The following FBXL17 variants were observed in gnomAD, a reference collection of about 807,000 sequenced individuals.
FBXL17 encodes F-box and leucine rich repeat protein 17, also known as F-box/LRR-repeat protein 17.
Under a neutral mutation model 66.2 loss-of-function variants are expected in FBXL17, and 22 were observed. The observed-to-expected ratio is 0.33, with a 90% confidence interval of 0.24 to 0.47. FBXL17 has a LOEUF of 0.47. Ranked by LOEUF, FBXL17 falls within the 20% of genes least tolerant of loss-of-function variation. FBXL17 has a pLI of 1.00. For missense variants in FBXL17, 878 were observed against 948.2 expected (o/e 0.93, Z 0.97); for synonymous variants, 474 against 400.5 (o/e 1.18, Z -2.19).
At position 107,859,390 on chromosome 5, in the gene FBXL17, GTTTTTTTTT is replaced by G. The variant is rs549840338; in HGVS notation, c.*2321_*2329del. The G allele has an allele frequency of 8.3e-5, 5 of 60,184 alleles. No individual in the cohort carries two copies. Among genetic ancestry groups the G allele is most frequent in the African/African-American group, 1.4e-4 (2 of 14,486 alleles). The allele number at this position is 60,184 out of a possible 1,614,324, so 3.7% of individuals were successfully genotyped here. A position where few individuals can be genotyped will look rare whatever the true frequency, so the allele number is the denominator to read the frequency against. ...CTCAAGGTGATGCTTTTTTCTGGCT[GTTTTTTTTT>G]TTTTTTTTTTTTTTTTTTGAGATTA... On this transcript the variant is annotated 3_prime_UTR_variant, in exon 9 of 9. Coordinates refer to ENST00000542267, the MANE Select transcript of FBXL17 (RefSeq NM_001163315.3).
At chr5:107,979,869 T>C (rs767471408) in intron 7 of FBXL17, among the ~76,000 whole-genome samples, 1 of 152,150 alleles carries the variant, frequency 6.6e-6, no homozygotes, top group Non-Finnish European at 1.5e-5. Context: ...AAGAAATATA[T>C]CCTGTTTACT....
chr5:108,191,646 A>C (rs1199485627), intron 5 of FBXL17, among the ~76,000 whole-genome samples: 1 of 152,216 alleles, frequency 6.6e-6, no homozygotes, highest in African/African-American at 2.4e-5. Flanking sequence ...GAAAATCCAA[A>C]AATATCTAAA....
At chr5:107,994,977 G>C (rs1753414848) in intron 7 of FBXL17, among the ~76,000 whole-genome samples, 1 of 152,156 alleles carries the variant, frequency 6.6e-6, no homozygotes, top group African/African-American at 2.4e-5. Context: ...TTACCCTCGG[G>C]GTAGGGTAAT....
chr5:108,040,303 A>G (rs1428831221), intron 6 of FBXL17, among the ~76,000 whole-genome samples: 1 of 152,186 alleles, frequency 6.6e-6, no homozygotes, highest in African/African-American at 2.4e-5. Context: ...GGGGAAAAAG[A>G]CACGTACATG....
intron 4 of FBXL17, among the ~76,000 whole-genome samples, chr5:108,320,920 C>T (rs962990146): frequency 6.6e-6 from 1 of 151,712 alleles, no homozygotes; most frequent in African/African-American, 2.4e-5. Context: ...AGAAAAAGCA[C>T]GTTTAATGCC....
intron 7 of FBXL17, among the ~76,000 whole-genome samples, chr5:108,017,921 C>G (rs1754446549): frequency 6.6e-6 from 1 of 152,078 alleles, no homozygotes; most frequent in Non-Finnish European, 1.5e-5. Flanking sequence ...ATAAACATAA[C>G]TCTGTAACAG....
At chr5:108,119,927 C>T (rs1482941236) in intron 6 of FBXL17, among the ~76,000 whole-genome samples, 2 of 152,208 alleles carry the variant, frequency 1.3e-5, no homozygotes, top group African/African-American at 2.4e-5. Context: ...CACCCATTGG[C>T]TCCAAAGCAC....
At chr5:108,207,567 A>G (rs1274594206) in intron 5 of FBXL17, among the ~76,000 whole-genome samples, 1 of 152,104 alleles carries the variant, frequency 6.6e-6, no homozygotes, top group Non-Finnish European at 1.5e-5. Flanking sequence ...CTTACGAGTG[A>G]GAACATGCAG....
chr5:108,297,313 T>C (rs1487096590), intron 4 of FBXL17, among the ~76,000 whole-genome samples: 1 of 151,740 alleles, frequency 6.6e-6, no homozygotes, highest in Non-Finnish European at 1.5e-5. Flanking sequence ...GTACAGTCTT[T>C]AGACATAAGA....
intron 7 of FBXL17, among the ~76,000 whole-genome samples, chr5:107,997,485 T>C (rs1468667161): frequency 6.6e-6 from 1 of 152,188 alleles, no homozygotes; most frequent in African/African-American, 2.4e-5. Flanking sequence ...GGCATCTTAA[T>C]GAGGGAACAG....
intron 4 of FBXL17, among the ~76,000 whole-genome samples, chr5:108,246,588 T>C (rs995494922): frequency 1.3e-5 from 2 of 152,218 alleles, no homozygotes; most frequent in African/African-American, 4.8e-5. Context: ...AGGACTGGAT[T>C]TGAATCAATC....
chr5:107,986,870 A>C (rs1172081587), intron 7 of FBXL17, among the ~76,000 whole-genome samples: 2 of 152,034 alleles, frequency 1.3e-5, no homozygotes, highest in African/African-American at 4.8e-5. Context: ...TCTAACAAAA[A>C]ATGTAATTTT....
chr5:108,195,153 G>A (rs1199495462), intron 5 of FBXL17, among the ~76,000 whole-genome samples: 1 of 152,032 alleles, frequency 6.6e-6, no homozygotes, highest in Non-Finnish European at 1.5e-5. Context: ...TAGCTAGGGG[G>A]TTGGAGGGGG....
At chr5:108,120,998 C>T (rs1340250125) in intron 6 of FBXL17, among the ~76,000 whole-genome samples, 1 of 152,036 alleles carries the variant, frequency 6.6e-6, no homozygotes, top group Admixed American at 6.6e-5. Context: ...AGTCCTTCAC[C>T]GTTAAATAAT....
chr5:107,958,772 A>C (rs1370532224), intron 7 of FBXL17, among the ~76,000 whole-genome samples: 4 of 152,182 alleles, frequency 2.6e-5, no homozygotes, highest in Non-Finnish European at 2.9e-5. Flanking sequence ...TTCATGTATT[A>C]GGCAGACCTG....
intron 7 of FBXL17, among the ~76,000 whole-genome samples, chr5:107,980,181 A>G (rs530007632): frequency 2.6e-5 from 4 of 152,300 alleles, no homozygotes; most frequent in African/African-American, 9.6e-5. Context: ...GGCAGAGAAA[A>G]AACTACAGCT....
At chr5:107,981,218 T>C (rs1752813390) in intron 7 of FBXL17, among the ~76,000 whole-genome samples, 1 of 152,068 alleles carries the variant, frequency 6.6e-6, no homozygotes, top group African/African-American at 2.4e-5. Context: ...AGAAAGGAGT[T>C]GGAGATAACG....
chr5:108,117,240 T>C (rs1449615516), intron 6 of FBXL17, among the ~76,000 whole-genome samples: 1 of 152,232 alleles, frequency 6.6e-6, no homozygotes, highest in Non-Finnish European at 1.5e-5. Flanking sequence ...ATTAGATTTG[T>C]AAGGCTGCCT....
chr5:108,293,868 C>G (rs1033697705), intron 4 of FBXL17, among the ~76,000 whole-genome samples: 1 of 151,186 alleles, frequency 6.6e-6, no homozygotes, highest in African/African-American at 2.4e-5. Context: ...TGGTGAAACC[C>G]CATCTCTACT....
Sources: gnomAD v4.1 joint callset for allele counts (sites outside exome capture counted in the v4.1 genomes callset) on GRCh38, gnomAD v4.1.1 for gene constraint, MANE v1.5 for transcripts, NCBI Gene and HGNC (gene_info 2026-07-23, HGNC 2026-07-21) for gene names.